Variants in LYPLAL1 observed in about 807,000 individuals in gnomAD.
The protein encoded by LYPLAL1 is lysophospholipase like 1, also known as lysophospholipase-like protein 1.
Under a neutral mutation model 19.7 loss-of-function variants are expected in LYPLAL1, and 23 were observed. The observed-to-expected ratio is 1.17, with a 90% CI of 0.84 to 1.65. The LOEUF is 1.65. Among genes scored for constraint, LYPLAL1 ranks in the 40% most tolerant of loss-of-function variants. The pLI, the probability that LYPLAL1 is intolerant of heterozygous loss-of-function variation, is 0.00. For synonymous variants in LYPLAL1, 119 were observed against 96.3 expected (o/e 1.24, Z -1.38); for missense variants, 355 against 279.4 (o/e 1.27, Z -1.93).
the LYPLAL1 span, among the ~76,000 whole-genome samples, chr1:219,326,311 G>A: frequency 2.9e-5 from 4 of 137,434 alleles, no homozygotes; most frequent in Non-Finnish European, 6.4e-5. Flanking sequence ...GTGGGGGGTT[G>A]GGGGGTGGGG....
the LYPLAL1 span, among the ~76,000 whole-genome samples, chr1:219,382,417 T>C: frequency 2.0e-5 from 3 of 152,120 alleles, no homozygotes; most frequent in Admixed American, 1.3e-4. Context: ...TGGAATGCAG[T>C]GGCGCAATCT....
At chr1:219,340,087 T>A in the LYPLAL1 span, among the ~76,000 whole-genome samples, 1 of 151,952 alleles carries the variant, frequency 6.6e-6, no homozygotes, top group Admixed American at 6.6e-5. Context: ...ATGAAAAAAA[T>A]GTATGGTATA....
At chr1:219,186,496 T>A (rs1007066171) in intron 2 of LYPLAL1, among the ~76,000 whole-genome samples, 7 of 151,372 alleles carry the variant, frequency 4.6e-5, no homozygotes, top group Non-Finnish European at 7.4e-5. Context: ...ATTTTTAGGC[T>A]ATATTATTAG....
At chr1:219,344,733 T>A in the LYPLAL1 span, among the ~76,000 whole-genome samples, 23 of 152,338 alleles carry the variant, frequency 1.5e-4, no homozygotes, top group East Asian at 4.4e-3. Context: ...GTTTCTATAA[T>A]AAAATGATTG....
intron 2 of LYPLAL1, among the ~76,000 whole-genome samples, chr1:219,192,449 A>G (rs1036724438): frequency 4.0e-5 from 6 of 151,538 alleles, no homozygotes; most frequent in South Asian, 2.1e-4. Flanking sequence ...GTCACTGGCT[A>G]TGTTTTCTTT....
the LYPLAL1 span, chr1:219,225,231 A>G: frequency 6.6e-6 from 1 of 152,118 alleles, no homozygotes; most frequent in African/African-American, 2.4e-5. Context: ...ATATGTTCAA[A>G]ACAATGCAAA....
chr1:219,412,600 G>C, the LYPLAL1 span, among the ~76,000 whole-genome samples: 1 of 152,136 alleles, frequency 6.6e-6, no homozygotes, highest in Non-Finnish European at 1.5e-5. Context: ...AGAATAAAAG[G>C]AAGGTGCCTC....
chr1:219,383,388 A>G, the LYPLAL1 span, among the ~76,000 whole-genome samples: 1 of 152,234 alleles, frequency 6.6e-6, no homozygotes, highest in African/African-American at 2.4e-5. Context: ...ATGTAGTGGC[A>G]TATTTATGAC....
chr1:219,174,300 G>T, intron 1 of LYPLAL1: 1 of 1,221,662 alleles, frequency 8.2e-7, no homozygotes, highest in African/African-American at 1.5e-5. Flanking sequence ...GAGCAAGTTA[G>T]TAAGGTAAGT....
the LYPLAL1 span, among the ~76,000 whole-genome samples, chr1:219,322,035 GT>G: frequency 2.0e-5 from 3 of 152,150 alleles, no homozygotes; most frequent in Non-Finnish European, 2.9e-5. Flanking sequence ...CCTATATTTA[GT>G]TTTATTTTAT....
chr1:219,443,996 G>A, the LYPLAL1 span, among the ~76,000 whole-genome samples: 2 of 152,196 alleles, frequency 1.3e-5, no homozygotes, highest in Middle Eastern at 3.4e-3. Context: ...ACACAGCTTT[G>A]GGTTTTGGGA....
intron 3 of LYPLAL1, among the ~76,000 whole-genome samples, chr1:219,199,547 A>C (rs923287327): frequency 6.6e-6 from 1 of 151,754 alleles, no homozygotes; most frequent in African/African-American, 2.4e-5. Context: ...GGTTCAAGCA[A>C]TTCTCCTGTC....
chr1:219,210,740 A>G, intron 4 of LYPLAL1, 93 bp downstream of exon 4: 2 of 1,184,708 alleles, frequency 1.7e-6, no homozygotes, highest in Non-Finnish European at 1.2e-6. Context: ...TAAAACACAC[A>G]CACAGTTGAT....
At chr1:219,365,781 A>G in the LYPLAL1 span, among the ~76,000 whole-genome samples, 1 of 152,142 alleles carries the variant, frequency 6.6e-6, no homozygotes, top group African/African-American at 2.4e-5. Flanking sequence ...CAGCACTGAA[A>G]TTTTGACATA....
chr1:219,337,898 T>G, the LYPLAL1 span, among the ~76,000 whole-genome samples: 26 of 152,114 alleles, frequency 1.7e-4, no homozygotes, highest in African/African-American at 5.8e-4. Flanking sequence ...AGAACAAATT[T>G]CAGAATTAAA....
At chr1:219,259,557 G>A in the LYPLAL1 span, among the ~76,000 whole-genome samples, 1 of 151,376 alleles carries the variant, frequency 6.6e-6, no homozygotes, top group African/African-American at 2.4e-5. Context: ...ATCAAACATC[G>A]TATGTTCTCA....
At chr1:219,279,563 A>T in the LYPLAL1 span, among the ~76,000 whole-genome samples, 7 of 152,312 alleles carry the variant, frequency 4.6e-5, no homozygotes, top group African/African-American at 1.7e-4. Flanking sequence ...AGGAAACCTG[A>T]TGTACTCATT....
the LYPLAL1 span, among the ~76,000 whole-genome samples, chr1:219,315,510 A>G: frequency 6.6e-6 from 1 of 152,212 alleles, no homozygotes; most frequent in African/African-American, 2.4e-5. Context: ...TAAGGAATTT[A>G]GTAACATATG....
the LYPLAL1 span, among the ~76,000 whole-genome samples, chr1:219,234,051 C>A: frequency 6.6e-6 from 1 of 152,088 alleles, no homozygotes; most frequent in African/African-American, 2.4e-5. Flanking sequence ...AGGGTTTGAA[C>A]CTTACTAAGT....
Sources: allele counts gnomAD v4.1 joint callset (sites outside exome capture counted in the v4.1 genomes callset), GRCh38; gene constraint gnomAD v4.1.1; transcripts MANE v1.5; gene names NCBI Gene and HGNC (gene_info 2026-07-23, HGNC 2026-07-21).